FBLN1: variants seen among roughly 807,000 people sequenced by gnomAD.
FBLN1 encodes fibulin 1.
FBLN1 carries 34 observed loss-of-function variants against 89.7 expected under a neutral mutation model. That is an observed-to-expected ratio of 0.38 (90% CI 0.29 to 0.50). The LOEUF (loss-of-function observed/expected upper bound fraction) is 0.50. FBLN1 is among the 20% of genes least tolerant of loss of function. The probability of loss-of-function intolerance (pLI) is 0.92; values close to 1 mark genes in which losing one functional copy is unlikely to be tolerated. For synonymous variants in FBLN1, 393 were observed against 391.3 expected (o/e 1.00, Z -0.05); for missense variants, 777 against 988.1 (o/e 0.79, Z 2.86).
chr22:45,571,978 A>G (rs965044604), intron 14 of FBLN1, among the ~76,000 whole-genome samples: 17 of 151,968 alleles, frequency 1.1e-4, no homozygotes, highest in Admixed American at 8.5e-4. Flanking sequence ...AAAATACAAA[A>G]ATTAGCTGGT....
intron 14 of FBLN1, among the ~76,000 whole-genome samples, chr22:45,567,445 G>A (rs1025124116): frequency 6.6e-6 from 1 of 152,066 alleles, no homozygotes; most frequent in Non-Finnish European, 1.5e-5. Context: ...ATGAAACCCC[G>A]TCTTTACCAA....
rs765517810 is a variant in FBLN1 at position 45,518,778 on chromosome 22, A to G, written c.176A>G (p.Lys59Arg). ...TCGCTGCCATATGCTACGGAATCCA[A>G]AGAATGCAGGTACGTTTGCCAGTGG... ...DCSLPYATES[K>R]ECRMVQEQCC... The change falls in exon 2 of 17, where the codon AAA becomes AGA. Residue 59 changes from lysine to arginine, a missense_variant. By Grantham distance (26) the Lys-to-Arg change is conservative. Transcript: ENST00000327858. 3.2e-5 allele frequency: 52 copies of G among 1,609,732 alleles called. No homozygotes were observed. Among genetic ancestry groups the G allele is most frequent in the Middle Eastern group, 1.6e-4 (1 of 6,080 alleles).
chr22:45,517,786 C>T, intron 1 of FBLN1: 1 of 376,922 alleles, frequency 2.7e-6, no homozygotes, highest in Non-Finnish European at 5.4e-6. Context: ...CCTTTGCTCC[C>T]AAGATTAAAG....
At chr22:45,596,283 C>T (rs767963917) in intron 16 of FBLN1, among the ~76,000 whole-genome samples, 21 of 152,214 alleles carry the variant, frequency 1.4e-4, no homozygotes, top group East Asian at 3.8e-4. Flanking sequence ...TCCTGCAGGT[C>T]TCAAAGGGCC....
intron 1 of FBLN1, among the ~76,000 whole-genome samples, chr22:45,509,182 G>A (rs947398032): frequency 1.2e-4 from 18 of 152,116 alleles, no homozygotes; most frequent in East Asian, 1.9e-4. Context: ...GGGGAGATGC[G>A]TCCTGGAAGC....
chr22:45,535,584 G>A, intron 8 of FBLN1: 1 of 499,960 alleles, frequency 2.0e-6, no homozygotes, highest in Non-Finnish European at 3.6e-6. Context: ...GTAAACAAAT[G>A]GGTGTGGCTG....
At chr22:45,569,925 A>G (rs2088936918) in intron 14 of FBLN1, among the ~76,000 whole-genome samples, 1 of 152,380 alleles carries the variant, frequency 6.6e-6, no homozygotes, top group East Asian at 1.9e-4. Flanking sequence ...AGACAGAATG[A>G]TATCCCTCTG....
At chr22:45,515,171 T>G (rs995712750) in intron 1 of FBLN1, among the ~76,000 whole-genome samples, 2 of 152,054 alleles carry the variant, frequency 1.3e-5, no homozygotes, top group African/African-American at 4.8e-5. Flanking sequence ...AATTGATTGG[T>G]GAGTGTTACA....
chr22:45,566,195 T>C (rs2147017403), intron 14 of FBLN1, among the ~76,000 whole-genome samples: 1 of 152,304 alleles, frequency 6.6e-6, no homozygotes, highest in South Asian at 2.1e-4. Flanking sequence ...TTCATGTGCA[T>C]AGCAATGTGA....
At chr22:45,509,370 C>G (rs1654954759) in intron 1 of FBLN1, among the ~76,000 whole-genome samples, 2 of 152,200 alleles carry the variant, frequency 1.3e-5, no homozygotes, top group South Asian at 4.1e-4. Context: ...GCTGCCTCCT[C>G]CCGGCTGGTT....
At chr22:45,571,930 A>G (rs1022139912) in intron 14 of FBLN1, among the ~76,000 whole-genome samples, 1 of 152,070 alleles carries the variant, frequency 6.6e-6, no homozygotes, top group African/African-American at 2.4e-5. Flanking sequence ...GGAGTTCGAG[A>G]CTAGCCTGAC....
chr22:45,576,895 A>G lies in FBLN1; in HGVS notation c.1841-82A>G, dbSNP rs1602221431. 3 of 1,551,882 alleles carry G rather than the reference A, an allele frequency of 1.9e-6. No individual in the cohort carries two copies. The East Asian group carries it at 6.7e-5, about 35-fold the overall frequency. ...CCCTGGGTTAGGTCTTCATTCCCCA[A>G]GGGTGAGTTCCTGGGGACGAGGCTG... On this transcript the variant is annotated intron_variant, in intron 15 of 16. Coordinates refer to ENST00000327858, the MANE Select transcript of FBLN1 (RefSeq NM_006486.3). This position sits in a 1 kb window ranked among gnomAD's most constrained non-coding sequence, Gnocchi z 5.2.
Position 45,526,622 on chromosome 22 carries a change from G to T in FBLN1, c.321+944G>T, listed in dbSNP as rs548757691. Among the ~76,000 whole-genome samples, 832 of 152,370 alleles carry T rather than the reference G, an allele frequency of 5.5e-3. 6 individuals carry two copies. Among genetic ancestry groups the T allele is most frequent in the Non-Finnish European group, 8.3e-3 (563 of 68,036 alleles). On this transcript the variant is annotated intron_variant, in intron 3 of 16. Transcript: ENST00000327858. ...AATGAAGTCTGGATTCCAGGAGAGG[G>T]TGTGGGAGCTCCTTTGTGGGGATTC... is the stretch of plus-strand genomic sequence containing the variant.
Position 45,525,109 on chromosome 22 carries a change from G to C in FBLN1, c.186-434G>C, listed in dbSNP as rs184630003. 2.5e-3 allele frequency among the ~76,000 whole-genome samples: 332 copies of C among 131,964 alleles called. 3 individuals carry two copies. Among genetic ancestry groups the C allele is most frequent in the African/African-American group, 9.1e-3 (319 of 35,028 alleles). 86.6% of individuals were successfully genotyped at this position (131,964 alleles called of 152,430 possible). ...AGAGAGAAAGAGAGAAAGGGAAAGA[G>C]AGAGAGAGAGAGAAAGAAAAACAGA... On this transcript the variant is annotated intron_variant, in intron 2 of 16. Coordinates refer to ENST00000327858, the MANE Select transcript of FBLN1 (RefSeq NM_006486.3).
Position 45,575,357 on chromosome 22 carries a change from C to T in FBLN1, c.1840+704C>T, listed in dbSNP as rs1213753881. Among the ~76,000 whole-genome samples the T allele has an allele frequency of 1.3e-5, 2 of 151,904 alleles. No homozygotes were observed. Among genetic ancestry groups the T allele is most frequent in the East Asian group, 3.9e-4 (2 of 5,174 alleles). On this transcript the variant is annotated intron_variant, in intron 15 of 16. Transcript: ENST00000327858. The surrounding 1 kb of genome is among the most constrained non-coding windows in gnomAD (Gnocchi z 6.3). The stretch of plus-strand genomic sequence containing the variant: ...GGGTGCCCAGTGGAGCAGGACATGG[C>T]CAGAAGGGTCTGGAGGTATGGGGGG...
At chr22:45,582,050 G>A (rs1187391636) in intron 16 of FBLN1, among the ~76,000 whole-genome samples, 3 of 152,154 alleles carry the variant, frequency 2.0e-5, no homozygotes, top group Non-Finnish European at 4.4e-5. Flanking sequence ...TTGAGGTTGC[G>A]GTTGAGGTTG....
chr22:45,543,702 C>A (rs1810384069), intron 11 of FBLN1, among the ~76,000 whole-genome samples, 176 bp downstream of exon 11: 1 of 152,194 alleles, frequency 6.6e-6, no homozygotes, highest in African/African-American at 2.4e-5. Flanking sequence ...GCCTGCCCAC[C>A]CGATTTCTCC....
chr22:45,542,900 G>A (rs865962548), intron 10 of FBLN1, among the ~76,000 whole-genome samples: 1 of 152,372 alleles, frequency 6.6e-6, no homozygotes, highest in Non-Finnish European at 1.5e-5. Flanking sequence ...GGCAGGCACA[G>A]CGCGGCAGTC....
intron 14 of FBLN1, chr22:45,565,042 C>T: frequency 6.2e-7 from 1 of 1,610,292 alleles, no homozygotes; most frequent in Non-Finnish European, 8.5e-7. Flanking sequence ...TTGCGCTGAG[C>T]AGCTGTGATT....
Sources: gnomAD v4.1 joint callset for allele counts (sites outside exome capture counted in the v4.1 genomes callset) on GRCh38, gnomAD v4.1.1 for gene constraint, Gnocchi (gnomAD v3.1) non-coding constraint, MANE v1.5 for transcripts, NCBI Gene and HGNC (gene_info 2026-07-23, HGNC 2026-07-21) for gene names.